Variants in TMEM53 observed in about 807,000 individuals in gnomAD.
The protein encoded by TMEM53 is transmembrane protein 53, also known as novel DUF829 domain-containing protein.
A neutral mutation model predicts 21.4 loss-of-function variants in TMEM53; 14 were observed. The observed-to-expected ratio is 0.65, with a 90% confidence interval of 0.43 to 1.02. The LOEUF (loss-of-function observed/expected upper bound fraction) is 1.02, where lower values mean the gene tolerates loss of function less well. TMEM53 is among the 50% of genes least tolerant of loss of function. The probability of loss-of-function intolerance (pLI) is 0.00; values close to 1 mark genes in which losing one functional copy is unlikely to be tolerated. For synonymous variants in TMEM53, 148 were observed against 157.4 expected (o/e 0.94, Z 0.45); for missense variants, 323 against 383.6 (o/e 0.84, Z 1.32).
chr1:44,667,078 A>C (rs1171709583), intron 1 of TMEM53, among the ~76,000 whole-genome samples: 1 of 151,716 alleles, frequency 6.6e-6, no homozygotes, highest in East Asian at 2.0e-4. Context: ...CCTGGGCTCA[A>C]GCAATCCTCC....
rs776174614 is a variant in TMEM53 at position 44,654,837 on chromosome 1, C to T, written c.556G>A (p.Val186Ile). 23 of 1,613,084 alleles carry T rather than the reference C, an allele frequency of 1.4e-5. No homozygotes were observed. Among genetic ancestry groups the T allele is most frequent in the Admixed American group, 1.0e-4 (6 of 59,994 alleles). The change falls in exon 3 of 3, where the codon GTC becomes ATC. Residue 186 changes from valine to isoleucine, a missense_variant. Physicochemically the swap from Val to Ile is conservative, Grantham distance 29. Coordinates refer to ENST00000372237, the MANE Select transcript of TMEM53 (RefSeq NM_024587.4). The surrounding 1 kb of genome is among the most constrained non-coding windows in gnomAD (Gnocchi z 7.0). Reference sequence around the variant, plus strand: ...AGGGCTGTGATGGGAGCAAGCAGGACGTGGAACAGGACGACCACCAGGGCA... The same window carrying T: ...AGGGCTGTGATGGGAGCAAGCAGGATGTGGAACAGGACGACCACCAGGGCA... ...AFALVVVLFH[V>I]LLAPITALFH...
In TMEM53 at chr1:44,655,159, G is replaced by A. The variant is rs11545908; in HGVS notation, c.234C>T (p.Ser78=). The A allele has an allele frequency of 3.4e-5, 55 of 1,613,570 alleles. 1 individual carries two copies. Among genetic ancestry groups the A allele is most frequent in the Admixed American group, 1.0e-4 (6 of 59,944 alleles). Reference sequence around the variant, plus strand: ...GAAGTGAAGGGATACCCAGTGACTCGGAGAAGAAGACCATGTGCCACGGGG... The same window carrying A: ...GAAGTGAAGGGATACCCAGTGACTCAGAGAAGAAGACCATGTGCCACGGGG... ...YTAPWHMVFF[S]ESLGIPSLRV... The change falls in exon 3 of 3, where the codon TCC becomes TCT. Residue 78 remains serine, a synonymous_variant. Coordinates refer to ENST00000372237, the MANE Select transcript of TMEM53 (RefSeq NM_024587.4). This position sits in a 1 kb window ranked among gnomAD's most constrained non-coding sequence, Gnocchi z 4.4.
intron 1 of TMEM53, among the ~76,000 whole-genome samples, chr1:44,672,228 G>A (rs1285790422): frequency 1.3e-5 from 2 of 152,242 alleles, no homozygotes; most frequent in African/African-American, 4.8e-5. Flanking sequence ...GCAATAAGGA[G>A]GAGAAACAAC....
chr1:44,666,206 A>G (rs146644607), intron 1 of TMEM53, among the ~76,000 whole-genome samples: 186 of 152,352 alleles, frequency 1.2e-3, no homozygotes, highest in African/African-American at 4.3e-3. Flanking sequence ...CAGGATGGCT[A>G]TAATTAAAAA....
At chr1:44,657,713 AT>A (rs200332501) in intron 2 of TMEM53, among the ~76,000 whole-genome samples, 1 of 151,446 alleles carries the variant, frequency 6.6e-6, no homozygotes, top group Non-Finnish European at 1.5e-5. Context: ...AATTGTTTCA[AT>A]TTTTTTTGTG....
At chr1:44,667,369 G>A (rs2148536361) in intron 1 of TMEM53, among the ~76,000 whole-genome samples, 1 of 148,470 alleles carries the variant, frequency 6.7e-6, no homozygotes, top group African/African-American at 2.5e-5. Context: ...GTGTAATGGT[G>A]CAATCTCGGC....
chr1:44,659,984 A>G (rs1454103900), intron 2 of TMEM53, among the ~76,000 whole-genome samples, 190 bp downstream of exon 2: 1 of 147,578 alleles, frequency 6.8e-6, no homozygotes, highest in Non-Finnish European at 1.5e-5. Flanking sequence ...TCAGCCTCCC[A>G]AGTAGCTGGG....
intron 1 of TMEM53, among the ~76,000 whole-genome samples, chr1:44,666,852 TG>T (rs202158692): frequency 1.2e-3 from 181 of 151,416 alleles, no homozygotes; most frequent in African/African-American, 4.2e-3. Flanking sequence ...TTTTTTTTTT[TG>T]TTTTGTTTTG....
intron 1 of TMEM53, among the ~76,000 whole-genome samples, chr1:44,669,262 C>T (rs1256276685): frequency 6.6e-6 from 1 of 152,162 alleles, no homozygotes; most frequent in Non-Finnish European, 1.5e-5. Context: ...TATATTTCTA[C>T]ACCATTATTT....
intron 1 of TMEM53, among the ~76,000 whole-genome samples, chr1:44,667,056 T>C (rs1454149003): frequency 6.6e-6 from 1 of 152,094 alleles, no homozygotes; most frequent in African/African-American, 2.4e-5. Context: ...TTGCCCAGGC[T>C]GGTCTTGAAC....
At chr1:44,668,361 A>G (rs1644967790) in intron 1 of TMEM53, among the ~76,000 whole-genome samples, 2 of 152,078 alleles carry the variant, frequency 1.3e-5, no homozygotes, top group South Asian at 4.2e-4. Context: ...GAATGGCGTG[A>G]ACCCAGAGCT....
chr1:44,667,736 A>G (rs560497555), intron 1 of TMEM53, among the ~76,000 whole-genome samples: 24 of 152,264 alleles, frequency 1.6e-4, no homozygotes, highest in African/African-American at 5.1e-4. Flanking sequence ...AACTTCTGCA[A>G]TGAGAGTTAA....
intron 1 of TMEM53, among the ~76,000 whole-genome samples, chr1:44,672,438 C>A (rs1341049456): frequency 2.6e-5 from 4 of 152,332 alleles, no homozygotes; most frequent in Non-Finnish European, 4.4e-5. Flanking sequence ...GTGTGAGTCA[C>A]TTCTGAGTGG....
chr1:44,673,820 C>G, intron 1 of TMEM53: 1 of 982,566 alleles, frequency 1.0e-6, no homozygotes, highest in Non-Finnish European at 1.2e-6. Context: ...CGAGTTCTAC[C>G]CGACGGCAGA....
At chr1:44,668,019 T>C (rs1476210598) in intron 1 of TMEM53, among the ~76,000 whole-genome samples, 1 of 152,154 alleles carries the variant, frequency 6.6e-6, no homozygotes, top group African/African-American at 2.4e-5. Flanking sequence ...ATAAATTAGA[T>C]TGTGTATACC....
intron 1 of TMEM53, among the ~76,000 whole-genome samples, chr1:44,665,112 CTGAG>C (rs1213718830): frequency 6.7e-6 from 1 of 149,340 alleles, no homozygotes; most frequent in Non-Finnish European, 1.5e-5. Context: ...AACCATCAGA[CTGAG>C]TGAGGTGCCC....
At chr1:44,671,154 G>A (rs1022367078) in intron 1 of TMEM53, among the ~76,000 whole-genome samples, 1 of 152,222 alleles carries the variant, frequency 6.6e-6, no homozygotes, top group East Asian at 1.9e-4. Context: ...AAGTAAGAGA[G>A]GGTATTGAGA....
At chr1:44,674,196 G>C in intron 1 of TMEM53, 135 bp downstream of exon 1, 1 of 1,395,810 alleles carries the variant, frequency 7.2e-7, no homozygotes, top group Non-Finnish European at 9.4e-7. Context: ...TCTAAGTCTA[G>C]GACCTGCCAG....
intron 1 of TMEM53, among the ~76,000 whole-genome samples, chr1:44,671,838 A>C (rs1645004228): frequency 6.6e-6 from 1 of 152,220 alleles, no homozygotes; most frequent in South Asian, 2.1e-4. Flanking sequence ...CTGAAACAGG[A>C]GAATTGCTTG....
Sources: gnomAD v4.1 joint callset for allele counts (sites outside exome capture counted in the v4.1 genomes callset) on GRCh38, gnomAD v4.1.1 for gene constraint, Gnocchi (gnomAD v3.1) non-coding constraint, MANE v1.5 for transcripts, NCBI Gene and HGNC (gene_info 2026-07-23, HGNC 2026-07-21) for gene names.